LINGO2: variants seen among roughly 807,000 people sequenced by gnomAD.
LINGO2 encodes the protein leucine-rich repeat and immunoglobulin-like domain-containing nogo receptor-interacting protein 2.
Under a neutral mutation model 30.6 loss-of-function variants are expected in LINGO2, and 14 were observed. The observed-to-expected ratio is 0.46, with a 90% CI of 0.30 to 0.72. LINGO2 has a LOEUF of 0.72. Among genes scored for constraint, LINGO2 ranks in the 30% least tolerant of loss-of-function variants. LINGO2 has a pLI of 0.07. For missense variants in LINGO2, 729 were observed against 751.7 expected (o/e 0.97, Z 0.35); for synonymous variants, 317 against 288.5 (o/e 1.10, Z -1.00).
In LINGO2 at chr9:28,600,998, T is replaced by C. The variant is rs1224355863; in HGVS notation, c.-365+69202A>G. On this transcript the variant is annotated intron_variant, in intron 1 of 5. Transcript: ENST00000379992. The stretch of plus-strand genomic sequence containing the variant: ...AAAATTAATATGTTTTGCTCCAAAA[T>C]AAACCATGTTTTTTTTCTCTGTAAA... Among the ~76,000 whole-genome samples the C allele has an allele frequency of 1.3e-5, 2 of 152,110 alleles. 1 individual carries two copies. The highest frequency in any genetic ancestry group is 2.9e-5 in the Non-Finnish European group (2 of 67,994).
At chr9:28,586,016 C>T (rs1824519159) in intron 1 of LINGO2, among the ~76,000 whole-genome samples, 1 of 134,582 alleles carries the variant, frequency 7.4e-6, no homozygotes, top group South Asian at 2.6e-4. Flanking sequence ...GCTTTTCCAC[C>T]TGTACATTAA....
chr9:27,967,983 G>T (rs1053104811), intron 5 of LINGO2, among the ~76,000 whole-genome samples: 1 of 152,132 alleles, frequency 6.6e-6, no homozygotes, highest in African/African-American at 2.4e-5. Flanking sequence ...AACTTTAGCA[G>T]ATATTTGGGA....
chr9:28,022,851 G>A (rs1199735532), intron 4 of LINGO2, among the ~76,000 whole-genome samples: 1 of 136,024 alleles, frequency 7.4e-6, no homozygotes, highest in Non-Finnish European at 1.6e-5. Flanking sequence ...TACAACTCTG[G>A]ATGTTCTCTG....
At chr9:28,192,756 G>T (rs986512957) in intron 4 of LINGO2, among the ~76,000 whole-genome samples, 1 of 152,028 alleles carries the variant, frequency 6.6e-6, no homozygotes, top group Non-Finnish European at 1.5e-5. Flanking sequence ...CAGTTTATCC[G>T]AGTGGCCAAT....
At chr9:28,354,587 A>G (rs76970369) in intron 3 of LINGO2, among the ~76,000 whole-genome samples, 508 of 152,330 alleles carry the variant, frequency 3.3e-3, no homozygotes, top group Admixed American at 5.5e-3. Context: ...ATGGGGTGAA[A>G]TAAGTTTTTT....
chr9:28,467,024 CTCTT>C (rs1825335333), intron 2 of LINGO2, among the ~76,000 whole-genome samples: 1 of 148,376 alleles, frequency 6.7e-6, no homozygotes, highest in African/African-American at 2.5e-5. Context: ...CTAGCTGACT[CTCTT>C]TTTTTTTGGG....
intron 4 of LINGO2, among the ~76,000 whole-genome samples, chr9:28,025,006 T>C (rs1002410991): frequency 6.6e-5 from 10 of 152,230 alleles, no homozygotes; most frequent in Non-Finnish European, 1.5e-4. Context: ...TTGTTTATTA[T>C]GGCTCAAAGG....
chr9:28,088,469 A>T (rs956963202), intron 4 of LINGO2, among the ~76,000 whole-genome samples: 2 of 152,044 alleles, frequency 1.3e-5, no homozygotes, highest in Non-Finnish European at 2.9e-5. Context: ...TCTGCATTCC[A>T]TCTGATTCTG....
At chr9:28,785,768 G>C in the LINGO2 span, among the ~76,000 whole-genome samples, 2 of 151,484 alleles carry the variant, frequency 1.3e-5, no homozygotes, top group African/African-American at 4.9e-5. Context: ...AGAATCTTTT[G>C]CAATAGCAAT....
the LINGO2 span, among the ~76,000 whole-genome samples, chr9:28,745,783 G>C: frequency 1.3e-5 from 2 of 151,818 alleles, no homozygotes; most frequent in Non-Finnish European, 2.9e-5. Flanking sequence ...AGAGAATATG[G>C]CTTCAAATAC....
At chr9:28,790,109 A>C in the LINGO2 span, among the ~76,000 whole-genome samples, 1 of 152,296 alleles carries the variant, frequency 6.6e-6, no homozygotes, top group Admixed American at 6.5e-5. Flanking sequence ...TGTTCTAAGT[A>C]GCATAATGAA....
At chr9:28,293,811 A>G (rs1332578252) in intron 4 of LINGO2, among the ~76,000 whole-genome samples, 2 of 152,236 alleles carry the variant, frequency 1.3e-5, no homozygotes, top group Admixed American at 6.5e-5. Flanking sequence ...GTATAAGACT[A>G]TGGAAGTCTA....
chr9:28,463,467 T>A (rs1344448184), intron 2 of LINGO2, among the ~76,000 whole-genome samples: 2 of 151,964 alleles, frequency 1.3e-5, no homozygotes, highest in Non-Finnish European at 2.9e-5. Context: ...CCATGGATAG[T>A]CTGGATTATA....
chr9:27,939,886 C>T, the LINGO2 span: 1 of 152,138 alleles, frequency 6.6e-6, no homozygotes, highest in African/African-American at 2.4e-5. Flanking sequence ...ATCTGGTAAA[C>T]AAATTTATCT....
At chr9:28,849,566 G>A in the LINGO2 span, among the ~76,000 whole-genome samples, 2 of 151,966 alleles carry the variant, frequency 1.3e-5, no homozygotes, top group Non-Finnish European at 1.5e-5. Context: ...AATTAACAGA[G>A]GAAGCTGAGA....
chr9:28,143,617 T>A (rs747479936), intron 4 of LINGO2, among the ~76,000 whole-genome samples: 29 of 152,194 alleles, frequency 1.9e-4, no homozygotes, highest in Admixed American at 1.4e-3. Context: ...GGATAATGAC[T>A]AAGAAGATGG....
chr9:28,542,732 T>A (rs1298325995), intron 1 of LINGO2, among the ~76,000 whole-genome samples: 1 of 152,070 alleles, frequency 6.6e-6, no homozygotes, highest in African/African-American at 2.4e-5. Flanking sequence ...AAAATACAGA[T>A]GTTTAGTTGT....
intron 4 of LINGO2, among the ~76,000 whole-genome samples, chr9:28,137,266 T>A (rs1365268513): frequency 6.6e-6 from 1 of 151,954 alleles, no homozygotes; most frequent in Non-Finnish European, 1.5e-5. Context: ...AATATATACA[T>A]TTAACACAAT....
chr9:29,183,483 G>C, the LINGO2 span, among the ~76,000 whole-genome samples: 5 of 152,242 alleles, frequency 3.3e-5, no homozygotes, highest in East Asian at 9.7e-4. Context: ...GTAAGGGCAA[G>C]GTCAGGTGCC....
Sources: gnomAD v4.1 joint callset for allele counts (sites outside exome capture counted in the v4.1 genomes callset) on GRCh38, gnomAD v4.1.1 for gene constraint, MANE v1.5 for transcripts, NCBI Gene and HGNC (gene_info 2026-07-23, HGNC 2026-07-21) for gene names.